The following PCDHGA8 variants were observed in gnomAD, a reference collection of about 807,000 sequenced individuals.
The protein encoded by PCDHGA8 is protocadherin gamma-A8.
Under a neutral mutation model 59.2 loss-of-function variants are expected in PCDHGA8, and 45 were observed. The observed-to-expected ratio is 0.76, with a 90% CI of 0.60 to 0.98. The LOEUF (loss-of-function observed/expected upper bound fraction) is 0.98, where lower values mean the gene tolerates loss of function less well. Ranked by LOEUF, PCDHGA8 falls within the 50% of genes least tolerant of loss-of-function variation. The pLI is 0.00. For synonymous variants in PCDHGA8, 531 were observed against 519.0 expected, an observed-to-expected ratio of 1.02 and a Z score of -0.32; for missense variants, 1,257 against 1,196.2, an observed-to-expected ratio of 1.05 and a Z score of -0.75.
At chr5:141,415,647 A>C in intron 1 of PCDHGA8, 2 of 1,599,602 alleles carry the variant, frequency 1.3e-6, no homozygotes, top group Non-Finnish European at 1.7e-6. Context: ...TTGTTAAAAA[A>C]AAAAAGATTG....
At chr5:141,421,894 C>A in intron 1 of PCDHGA8, 3 of 1,613,704 alleles carry the variant, frequency 1.9e-6, no homozygotes, top group Non-Finnish European at 2.5e-6. Context: ...CGATCCCATC[C>A]GAAAGGGCGC....
At chr5:141,452,879 A>C (rs1389712789) in intron 1 of PCDHGA8, among the ~76,000 whole-genome samples, 1 of 152,200 alleles carries the variant, frequency 6.6e-6, no homozygotes, top group Admixed American at 6.5e-5. Context: ...CATTTGTAAT[A>C]ATTTATTCCA....
intron 1 of PCDHGA8, among the ~76,000 whole-genome samples, chr5:141,435,604 A>T (rs1361568996): frequency 6.6e-6 from 1 of 152,180 alleles, no homozygotes. Flanking sequence ...CCTGCTTTTT[A>T]CATTAAATTC....
At position 141,394,095 on chromosome 5, in the gene PCDHGA8, G is replaced by C. The variant is rs1222166545; in HGVS notation, c.1282G>C (p.Gly428Arg). The change falls in exon 1 of 4, where the codon GGA (glycine) becomes CGA (arginine). Residue 428 changes from glycine to arginine, a missense_variant. Transcript: ENST00000398604. The stretch of plus-strand genomic sequence containing the variant: ...TATCACAGTGATGGCCTCAGATCTA[G>C]GAACACCACCTCTGTCCACTGAAAC... ...YNITVMASDL[G>R]TPPLSTETQI... The C allele has an allele frequency of 1.9e-6, 3 of 1,613,848 alleles. No homozygotes were observed. The highest frequency in any genetic ancestry group is 2.5e-6 in the Non-Finnish European group (3 of 1,179,832).
intron 2 of PCDHGA8, among the ~76,000 whole-genome samples, chr5:141,503,614 A>G (rs1595875970): frequency 6.6e-6 from 1 of 151,640 alleles, no homozygotes; most frequent in South Asian, 2.1e-4. Flanking sequence ...AAAAAAAAAA[A>G]GAAAAAAGAA....
chr5:141,446,821 T>C lies in PCDHGA8; in HGVS notation c.2425-47986T>C, dbSNP rs183143971. ...CATTGTGATCATCTAGTCAGATGGG[T>C]AGATCCTTATAAGGCTGAGCATAAT... On this transcript the variant is annotated intron_variant, in intron 1 of 3. Coordinates refer to ENST00000398604, the MANE Select transcript of PCDHGA8 (RefSeq NM_032088.2). 1.6e-3 allele frequency among the ~76,000 whole-genome samples: 244 copies of C among 152,302 alleles called. 2 individuals carry two copies. The highest frequency in any genetic ancestry group is 5.4e-3 in the African/African-American group (223 of 41,572).
At chr5:141,461,966 G>A (rs2099027516) in intron 1 of PCDHGA8, among the ~76,000 whole-genome samples, 1 of 152,162 alleles carries the variant, frequency 6.6e-6, no homozygotes, top group African/African-American at 2.4e-5. Context: ...TGGGATTCCA[G>A]GCATATGCCA....
At chr5:141,427,396 A>G (rs1303085720) in intron 1 of PCDHGA8, 1 of 460,578 alleles carries the variant, frequency 2.2e-6, no homozygotes, top group Non-Finnish European at 4.4e-6. Context: ...AAAACACATG[A>G]TAAAGATTCG....
chr5:141,509,765 T>G (rs1312823974), intron 3 of PCDHGA8, among the ~76,000 whole-genome samples: 2 of 152,120 alleles, frequency 1.3e-5, no homozygotes, highest in Non-Finnish European at 1.5e-5. Flanking sequence ...GTCCCTGAGA[T>G]GTCTAGTCCC....
intron 2 of PCDHGA8, among the ~76,000 whole-genome samples, chr5:141,495,107 AC>A (rs1422274779): frequency 1.3e-5 from 2 of 152,048 alleles, no homozygotes; most frequent in Non-Finnish European, 2.9e-5. Context: ...CACGACCGGC[AC>A]CTTTTCCTAT....
At chr5:141,503,023 A>AAT (rs2099817696) in intron 2 of PCDHGA8, among the ~76,000 whole-genome samples, 1 of 141,888 alleles carries the variant, frequency 7.0e-6, no homozygotes, top group African/African-American at 2.6e-5. Context: ...TTTTTTTTTT[A>AAT]ATATCTATTT....
chr5:141,395,538 TTGTTTGTGTG>T, intron 1 of PCDHGA8: 1 of 225,786 alleles, frequency 4.4e-6, no homozygotes, highest in Non-Finnish European at 7.1e-6. Context: ...AATTTTGCTA[TTGTTTGTGTG>T]TGTGTGTGTG....
At chr5:141,500,295 G>A (rs911106966) in intron 2 of PCDHGA8, among the ~76,000 whole-genome samples, 2 of 151,282 alleles carry the variant, frequency 1.3e-5, no homozygotes, top group African/African-American at 4.9e-5. Flanking sequence ...TGCAAGCTCC[G>A]CCTCCCAGGT....
rs1239203203 is a variant in PCDHGA8 at position 141,403,933 on chromosome 5, G to T, written c.2424+8696G>T. 1.7e-5 allele frequency: 27 copies of T among 1,613,792 alleles called. No homozygotes were observed. The highest frequency in any genetic ancestry group is 1.6e-4 in the African/African-American group (12 of 74,902). ...TACAAGCTGAAGATGGTGGGGGATT[G>T]AAAGGGTGGACAAAAGTGCTCATTT... On this transcript the variant is annotated intron_variant, in intron 1 of 3. Transcript: ENST00000398604.
chr5:141,475,715 C>A (rs989484033), intron 1 of PCDHGA8, among the ~76,000 whole-genome samples: 3 of 152,366 alleles, frequency 2.0e-5, no homozygotes, highest in South Asian at 4.1e-4. Context: ...AGCCTCACAG[C>A]CCCAAGGCTG....
intron 1 of PCDHGA8, chr5:141,428,289 G>A: frequency 1.4e-6 from 1 of 728,400 alleles, no homozygotes; most frequent in Non-Finnish European, 2.4e-6. Context: ...CCCAAGCAAA[G>A]CTGCAGATTT....
intron 1 of PCDHGA8, chr5:141,430,575 A>T (rs1056696427): frequency 2.2e-6 from 1 of 455,822 alleles, no homozygotes; most frequent in Non-Finnish European, 3.7e-6. Flanking sequence ...AAAAGCGGAG[A>T]TCCTGCTCGC....
chr5:141,405,621 C>T lies in PCDHGA8; in HGVS notation c.2424+10384C>T, dbSNP rs2094693815. 9.2e-6 allele frequency: 5 copies of T among 543,194 alleles called. No individual in the cohort carries two copies. In the South Asian group the frequency reaches 1.0e-4, roughly 11 times the overall value. 33.6% of individuals were successfully genotyped at this position (543,194 alleles called of 1,614,324 possible). ...AGTAGAATAACTGGGACTACAGGCA[C>T]GTGCCACCACGCCCGGCTAATTTTT... On this transcript the variant is annotated intron_variant, in intron 1 of 3. Coordinates refer to ENST00000398604, the MANE Select transcript of PCDHGA8 (RefSeq NM_032088.2).
At chr5:141,457,230 A>G (rs1248092452) in intron 1 of PCDHGA8, among the ~76,000 whole-genome samples, 2 of 152,174 alleles carry the variant, frequency 1.3e-5, no homozygotes, top group African/African-American at 4.8e-5. Flanking sequence ...GGTAATTTCC[A>G]TCTAAAATTT....
Sources: allele counts gnomAD v4.1 joint callset (sites outside exome capture counted in the v4.1 genomes callset), GRCh38; gene constraint gnomAD v4.1.1; transcripts MANE v1.5; gene names NCBI Gene and HGNC (gene_info 2026-07-23, HGNC 2026-07-21).